TLN2: variants seen among roughly 807,000 people sequenced by gnomAD.
The protein encoded by TLN2 is talin-2.
In TLN2, 118 loss-of-function variants were observed where a neutral mutation model predicts 294.7. The ratio of observed to expected loss-of-function variants is 0.40; its 90% CI spans 0.34 to 0.47. The LOEUF (loss-of-function observed/expected upper bound fraction) is 0.47, where lower values mean the gene tolerates loss of function less well. TLN2 is among the 20% of genes least tolerant of loss of function. The probability of loss-of-function intolerance (pLI) is 0.84; values close to 1 mark genes in which losing one functional copy is unlikely to be tolerated. For missense variants in TLN2, 3,083 were observed against 3,282.2 expected (o/e 0.94, Z 1.48); for synonymous variants, 1,431 against 1,304.5 (o/e 1.10, Z -2.09).
At chr15:62,569,138 TTC>T (rs2043653660) in intron 1 of TLN2, among the ~76,000 whole-genome samples, 2 of 152,224 alleles carry the variant, frequency 1.3e-5, no homozygotes, top group Non-Finnish European at 2.9e-5. Context: ...TTTGTGTTTT[TTC>T]TCTGTCTCTT....
At chr15:62,587,090 G>A (rs2045670148) in intron 1 of TLN2, among the ~76,000 whole-genome samples, 1 of 152,196 alleles carries the variant, frequency 6.6e-6, no homozygotes, top group Admixed American at 6.5e-5. Context: ...GTATCTTAGG[G>A]ACCCAAAGGC....
intron 1 of TLN2, among the ~76,000 whole-genome samples, chr15:62,448,854 G>A (rs2140316977): frequency 6.6e-6 from 1 of 152,320 alleles, no homozygotes; most frequent in East Asian, 1.9e-4. Context: ...CCATCAGGAG[G>A]AAACTACTAT....
At chr15:62,670,178 T>C (rs992744378) in intron 9 of TLN2, among the ~76,000 whole-genome samples, 2 of 152,212 alleles carry the variant, frequency 1.3e-5, no homozygotes, top group African/African-American at 4.8e-5. Flanking sequence ...TGGGTGCTTT[T>C]GTTAACCTTA....
intron 1 of TLN2, among the ~76,000 whole-genome samples, chr15:62,489,861 C>T (rs1478092599): frequency 6.6e-6 from 1 of 152,232 alleles, no homozygotes; most frequent in Non-Finnish European, 1.5e-5. Flanking sequence ...CCATTGTCAA[C>T]AGCCATGTGA....
intron 55 of TLN2, 25 bp downstream of exon 55, chr15:62,833,654 C>G: frequency 6.2e-7 from 1 of 1,610,810 alleles, no homozygotes; most frequent in Non-Finnish European, 8.5e-7. Flanking sequence ...TGACCACATG[C>G]GGGACACTCA....
chr15:62,690,636 C>T (rs1288599071), intron 12 of TLN2, among the ~76,000 whole-genome samples: 1 of 148,726 alleles, frequency 6.7e-6, no homozygotes, highest in Non-Finnish European at 1.5e-5. Context: ...GCTGCAATCT[C>T]GGCACTTTGG....
At chr15:62,674,593 C>A (rs115591726) in intron 10 of TLN2, among the ~76,000 whole-genome samples, 11 of 137,872 alleles carry the variant, frequency 8.0e-5, no homozygotes, top group South Asian at 2.2e-4. Flanking sequence ...CCTCCCCCCG[C>A]CCTGTTCAAG....
At chr15:62,638,732 A>C in intron 3 of TLN2, 1 of 414,466 alleles carries the variant, frequency 2.4e-6, no homozygotes, top group Non-Finnish European at 4.8e-6. Flanking sequence ...TCCCCACCCC[A>C]TTCATGCATT....
chr15:62,526,045 TG>T (rs1344174074), intron 1 of TLN2, among the ~76,000 whole-genome samples: 1 of 152,094 alleles, frequency 6.6e-6, no homozygotes, highest in Admixed American at 6.6e-5. Context: ...TGGTTGGTCA[TG>T]TAGATTATAT....
chr15:62,807,018 A>G (rs141374536), intron 51 of TLN2, among the ~76,000 whole-genome samples: 1 of 152,186 alleles, frequency 6.6e-6, no homozygotes, highest in Non-Finnish European at 1.5e-5. Flanking sequence ...TACCACATTT[A>G]TGGGACCCCT....
chr15:62,763,501 G>T, intron 39 of TLN2, 62 bp from the exon 40 acceptor site: 2 of 1,544,652 alleles, frequency 1.3e-6, no homozygotes, highest in Non-Finnish European at 1.8e-6. Flanking sequence ...CACCAGTGCT[G>T]GAGCAGGCTG....
At position 62,708,578 on chromosome 15, in the gene TLN2, TGGA is replaced by T; in HGVS notation, c.2251_2253del (p.Glu751del). The stretch of plus-strand genomic sequence containing the variant: ...GCAGGGAAGCTGGTGGACCGCTCGG[TGGA>T]GAACTGTGTCCGTGCCTGCCAGGCG... On this transcript the variant is annotated inframe_deletion, in exon 21 of 59. Transcript: ENST00000636159. 1 of 1,614,090 alleles carries T rather than the reference TGGA, an allele frequency of 6.2e-7. No individual in the cohort carries two copies. The highest frequency in any genetic ancestry group is 8.5e-7 in the Non-Finnish European group (1 of 1,180,012).
chr15:62,638,189 C>A, intron 3 of TLN2: 1 of 177,716 alleles, frequency 5.6e-6, no homozygotes, highest in Admixed American at 5.6e-5. Flanking sequence ...CTGCTTACTG[C>A]CCTTTCTCCA....
rs189468131 is a variant in TLN2, at chr15:62,468,328, G to A, written c.-238+77643G>A. Among the ~76,000 whole-genome samples the A allele has an allele frequency of 3.4e-4, 51 of 152,194 alleles. No homozygotes were observed. The East Asian group carries it at 9.3e-3, about 28-fold the overall frequency. ...ATGATGACAAGGGTGTTGGCTGTGG[G>A]GTCCATGTGAAAGTTAAATTACTGA... On this transcript the variant is annotated intron_variant, in intron 1 of 58. Coordinates refer to ENST00000636159, the MANE Select transcript of TLN2 (RefSeq NM_015059.3).
Position 62,686,787 on chromosome 15 carries a change from C to T in TLN2, c.1104C>T (p.Ser368=). The T allele has an allele frequency of 6.2e-7, 1 of 1,613,124 alleles. No homozygotes were observed. Among genetic ancestry groups the T allele is most frequent in the Non-Finnish European group, 8.5e-7 (1 of 1,179,862 alleles). The part of the protein sequence containing the change: ...TVKRWAASPK[S]FTLDFGEYQE... ...AGCGCTGGGCAGCCTCACCCAAGAGCTTCACACTGGTAGGGACTGGCAGAG... is the reference window on the plus strand; with the variant it reads ...AGCGCTGGGCAGCCTCACCCAAGAGTTTCACACTGGTAGGGACTGGCAGAG... Residue 368 remains serine, a synonymous_variant, in exon 12 of 59, where the codon AGC becomes AGT. Transcript: ENST00000636159.
intron 1 of TLN2, among the ~76,000 whole-genome samples, chr15:62,437,617 G>A (rs982135046): frequency 1.3e-5 from 2 of 152,090 alleles, no homozygotes; most frequent in African/African-American, 4.8e-5. Context: ...ATAGTACTGT[G>A]TGTCATCTGG....
chr15:62,490,141 A>G (rs949345902), intron 1 of TLN2, among the ~76,000 whole-genome samples: 2 of 152,220 alleles, frequency 1.3e-5, no homozygotes, highest in African/African-American at 4.8e-5. Flanking sequence ...CTGAGACATA[A>G]TCCACAGGGA....
chr15:62,838,310 G>A (rs115501073), intron 57 of TLN2, among the ~76,000 whole-genome samples: 8,328 of 152,194 alleles, frequency 0.055, 779 homozygotes, highest in African/African-American at 0.19. Flanking sequence ...CACTGCCCCT[G>A]CCTTCAAGTT....
At chr15:62,399,017 C>T (rs2032789065) in intron 1 of TLN2, among the ~76,000 whole-genome samples, 1 of 152,092 alleles carries the variant, frequency 6.6e-6, no homozygotes, top group African/African-American at 2.4e-5. Context: ...GGACTTGGTG[C>T]TCTGCATCCC....
Sources: allele counts gnomAD v4.1 joint callset (sites outside exome capture counted in the v4.1 genomes callset), GRCh38; gene constraint gnomAD v4.1.1; transcripts MANE v1.5; gene names NCBI Gene and HGNC (gene_info 2026-07-23, HGNC 2026-07-21).